Variants in NAA11 observed in about 807,000 individuals in gnomAD.
NAA11 encodes N-alpha-acetyltransferase 11, NatA catalytic subunit, also known as N-alpha-acetyltransferase 11.
In NAA11, 15 loss-of-function variants were observed where a neutral mutation model predicts 16.1. The ratio of observed to expected loss-of-function variants is 0.93; its 90% confidence interval spans 0.62 to 1.44. NAA11 has a LOEUF of 1.44. NAA11 is among the 40% of genes most tolerant of loss of function. The pLI, the probability that NAA11 is intolerant of heterozygous loss-of-function variation, is 0.00. For missense variants in NAA11, 298 were observed against 291.3 expected (o/e 1.02, Z -0.17); for synonymous variants, 122 against 112.4 (o/e 1.09, Z -0.54).
the NAA11 span, among the ~76,000 whole-genome samples, chr4:79,184,978 A>G: frequency 6.6e-6 from 1 of 152,070 alleles, no homozygotes; most frequent in South Asian, 2.1e-4. Context: ...CTGAGTGCTT[A>G]TTTACTGCAC....
At chr4:79,301,077 G>C (rs919181574) in intron 1 of NAA11, among the ~76,000 whole-genome samples, 1 of 152,150 alleles carries the variant, frequency 6.6e-6, no homozygotes, top group African/African-American at 2.4e-5. Context: ...ACTGATCTAT[G>C]CATCAGAATC....
chr4:79,314,152 A>G (rs1051912312), downstream of NAA11, among the ~76,000 whole-genome samples: 2 of 152,354 alleles, frequency 1.3e-5, no homozygotes, highest in African/African-American at 4.8e-5. Context: ...TCGAATGTTC[A>G]CACGTACTTT....
At chr4:79,324,160 T>C (rs931386174) in intron 1 of NAA11, among the ~76,000 whole-genome samples, 5 of 152,190 alleles carry the variant, frequency 3.3e-5, no homozygotes, top group African/African-American at 1.2e-4. Context: ...TTTCCCTCTT[T>C]CAATCTTTTT....
the NAA11 span, among the ~76,000 whole-genome samples, chr4:79,187,881 C>T: frequency 2.6e-5 from 4 of 151,590 alleles, no homozygotes; most frequent in African/African-American, 9.7e-5. Flanking sequence ...CGCCTGTAGT[C>T]CCAGCTACTC....
At chr4:79,312,253 C>T (rs1481905188), downstream of NAA11, among the ~76,000 whole-genome samples, 1 of 152,174 alleles carries the variant, frequency 6.6e-6, no homozygotes, top group Non-Finnish European at 1.5e-5. Flanking sequence ...GGAATAAAAG[C>T]CAGACTTAAC....
intron 1 of NAA11, among the ~76,000 whole-genome samples, chr4:79,295,608 C>A (rs1723199479): frequency 6.6e-6 from 1 of 151,966 alleles, no homozygotes; most frequent in African/African-American, 2.4e-5. Context: ...ACCGTAATAT[C>A]CCCTGTGCTA....
chr4:79,299,074 A>T (rs538868851), intron 1 of NAA11: 1 of 152,314 alleles, frequency 6.6e-6, no homozygotes, highest in South Asian at 2.1e-4. Flanking sequence ...ACACACAGAA[A>T]ATCCATGGAT....
the NAA11 span, among the ~76,000 whole-genome samples, chr4:79,179,191 C>T: frequency 5.3e-5 from 8 of 152,096 alleles, no homozygotes; most frequent in East Asian, 3.9e-4. Context: ...GTATGATATT[C>T]TTGTTTTTTG....
At chr4:79,183,687 T>C in the NAA11 span, among the ~76,000 whole-genome samples, 1 of 152,104 alleles carries the variant, frequency 6.6e-6, no homozygotes, top group Non-Finnish European at 1.5e-5. Flanking sequence ...TTATTCTGCC[T>C]GTCATCTTTT....
the NAA11 span, among the ~76,000 whole-genome samples, chr4:79,195,094 A>G: frequency 2.0e-5 from 3 of 152,156 alleles, no homozygotes; most frequent in East Asian, 5.8e-4. Flanking sequence ...GATTCAATTA[A>G]AATCACACAT....
intron 1 of NAA11, chr4:79,308,615 T>G (rs1723662376): frequency 6.6e-6 from 1 of 152,206 alleles, no homozygotes; most frequent in Admixed American, 6.5e-5. Flanking sequence ...AAGATCTCTA[T>G]CCACTTTTAT....
At chr4:79,158,216 T>G in the NAA11 span, among the ~76,000 whole-genome samples, 1 of 152,036 alleles carries the variant, frequency 6.6e-6, no homozygotes. Context: ...TGATAAGATC[T>G]TATGCCTCCA....
chr4:79,244,528 T>C (rs1261207233), intron 2 of NAA11, among the ~76,000 whole-genome samples: 1 of 151,714 alleles, frequency 6.6e-6, no homozygotes, highest in Non-Finnish European at 1.5e-5. Context: ...GATAAAATTT[T>C]TAAAATTAAC....
downstream of NAA11, among the ~76,000 whole-genome samples, chr4:79,316,287 G>A (rs190921570): frequency 7.1e-4 from 108 of 152,236 alleles, no homozygotes; most frequent in Non-Finnish European, 1.3e-3. Context: ...ATAATTTAGC[G>A]TTGAGATAGA....
At chr4:79,251,708 G>A (rs1211087362) in intron 2 of NAA11, among the ~76,000 whole-genome samples, 1 of 151,730 alleles carries the variant, frequency 6.6e-6, no homozygotes, top group African/African-American at 2.4e-5. Flanking sequence ...CAATTGTGCT[G>A]CATATACTTG....
chr4:79,203,195 A>C, the NAA11 span, among the ~76,000 whole-genome samples: 1 of 151,734 alleles, frequency 6.6e-6, no homozygotes, highest in Admixed American at 6.6e-5. Flanking sequence ...TTCGAACTTA[A>C]GCTGATTTCC....
chr4:79,232,664 A>G (rs1369570488), intron 2 of NAA11, among the ~76,000 whole-genome samples: 2 of 151,984 alleles, frequency 1.3e-5, no homozygotes, highest in Non-Finnish European at 2.9e-5. Context: ...GGTTCCTGGC[A>G]TATCATATGA....
chr4:79,233,243 CTG>C (rs956776373), intron 2 of NAA11, among the ~76,000 whole-genome samples: 33 of 152,034 alleles, frequency 2.2e-4, no homozygotes, highest in African/African-American at 7.9e-4. Context: ...TACAGAATGA[CTG>C]TACTGTCAAT....
chr4:79,325,717 C>T lies in NAA11; in HGVS notation c.161G>A (p.Gly54Asp), dbSNP rs1480171028. 3 of 1,614,074 alleles carry T rather than the reference C, an allele frequency of 1.9e-6. No individual in the cohort carries two copies. The highest frequency in any genetic ancestry group is 1.3e-5 in the African/African-American group (1 of 74,926). ...CTCCTCCATTTTGGCCAGAACATAG[C>T]CCACAATCTTCCCGTCCTCATCCTC... ...IAEDEDGKIV[G>D]YVLAKMEEEP... The change falls in exon 1 of 2, where the codon GGC becomes GAC. Residue 54 changes from glycine to aspartate, a missense_variant. Coordinates refer to ENST00000286794, the MANE Select transcript of NAA11 (RefSeq NM_032693.3).
Sources: gnomAD v4.1 joint callset for allele counts (sites outside exome capture counted in the v4.1 genomes callset) on GRCh38, gnomAD v4.1.1 for gene constraint, MANE v1.5 for transcripts, NCBI Gene and HGNC (gene_info 2026-07-23, HGNC 2026-07-21) for gene names.